CSF1R: variants seen among roughly 807,000 people sequenced by gnomAD.
The protein encoded by CSF1R is macrophage colony-stimulating factor 1 receptor.
Under a neutral mutation model 110.0 loss-of-function variants are expected in CSF1R, and 40 were observed. The ratio of observed to expected loss-of-function variants is 0.36; its 90% confidence interval spans 0.28 to 0.47. The LOEUF is 0.47. Ranked by LOEUF, CSF1R falls within the 20% of genes least tolerant of loss-of-function variation. The pLI, the probability that CSF1R is intolerant of heterozygous loss-of-function variation, is 0.99. For synonymous variants in CSF1R, 523 were observed against 503.4 expected (o/e 1.04, Z -0.52); for missense variants, 1,052 against 1,253.0 (o/e 0.84, Z 2.42).
Position 150,060,850 on chromosome 5 carries a change from C to T in CSF1R, c.1969+12G>A, listed in dbSNP as rs963558996. ...CCCAAGACCTTGGCCCCAGGAACCC[C>T]AAGGCCCTTACCTCCATGGGTACAG... On this transcript the variant is annotated intron_variant, in intron 13 of 20. Transcript: ENST00000675795. 4 of 1,587,804 alleles carry T rather than the reference C, an allele frequency of 2.5e-6. No homozygotes were observed. The highest frequency in any genetic ancestry group is 2.6e-6 in the Non-Finnish European group (3 of 1,163,096).
chr5:150,086,610 A>G, upstream of CSF1R: 1 of 547,782 alleles, frequency 1.8e-6, no homozygotes, highest in Non-Finnish European at 3.2e-6. Context: ...CCTTTTAGCT[A>G]GGCAAGGCAA....
chr5:150,053,944 A>G lies in CSF1R; in HGVS notation c.*125T>C, dbSNP rs1757049043. On this transcript the variant is annotated 3_prime_UTR_variant, in exon 21 of 21. Transcript: ENST00000675795. Reference sequence around the variant, plus strand: ...AATCCCTCACCTTCCCAAGTTTCAGAGCTGGGCCGAGCTGTTGAGTGAAAT... The same window carrying G: ...AATCCCTCACCTTCCCAAGTTTCAGGGCTGGGCCGAGCTGTTGAGTGAAAT... 2.0e-6 allele frequency: 2 copies of G among 976,020 alleles called. No individual in the cohort carries two copies. The highest frequency in any genetic ancestry group is 3.1e-6 in the Non-Finnish European group (2 of 646,838). The allele number at this position is 976,020 out of a possible 1,614,324, so 60.5% of individuals were successfully genotyped here. A position where few individuals can be genotyped will look rare whatever the true frequency, so the allele number is the denominator to read the frequency against.
chr5:150,055,085 C>A, intron 19 of CSF1R, 152 bp downstream of exon 19: 2 of 594,872 alleles, frequency 3.4e-6, no homozygotes, highest in South Asian at 1.9e-5. Flanking sequence ...ATAGCTTGAA[C>A]TCAAAAGGGG....
rs1232750072 is a variant in CSF1R, at chr5:150,055,349, A to G, written c.2555-13T>C. On this transcript the variant is annotated splice_polypyrimidine_tract_variant and intron_variant, in intron 18 of 20. Coordinates refer to ENST00000675795, the MANE Select transcript of CSF1R (RefSeq NM_001288705.3). ...TAGGGATTCAGCCCTGCAAAGGCCAAGATCAGGTAAGAGGCCATGCCCATT... is the reference window on the plus strand; with the variant it reads ...TAGGGATTCAGCCCTGCAAAGGCCAGGATCAGGTAAGAGGCCATGCCCATT... The G allele has an allele frequency of 6.2e-7, 1 of 1,609,296 alleles. No homozygotes were observed. Among genetic ancestry groups the G allele is most frequent in the Non-Finnish European group, 8.5e-7 (1 of 1,175,606 alleles).
At chr5:150,067,332 T>A (rs960075646) in intron 10 of CSF1R, among the ~76,000 whole-genome samples, 1 of 152,186 alleles carries the variant, frequency 6.6e-6, no homozygotes, top group African/African-American at 2.4e-5. Flanking sequence ...TGGGACATGC[T>A]TTGGAGTGAG....
In CSF1R at chr5:150,094,181, T is replaced by G. The variant is rs1187747268; in HGVS notation, c.-180-7574A>C. 4 of 604,022 alleles carry G rather than the reference T, an allele frequency of 6.6e-6. No homozygotes were observed. The East Asian group carries it at 1.1e-4, about 17-fold the overall frequency. The allele number at this position is 604,022 out of a possible 1,614,324, so 37.4% of individuals were successfully genotyped here. A position where few individuals can be genotyped will look rare whatever the true frequency, so the allele number is the denominator to read the frequency against. ...AATAGACTTCAGAACAAGAAATATT[T>G]CCAGGCATAATGAGGGACATTACAT... On this transcript the variant is annotated intron_variant, in intron 1 of 21. Coordinates refer to the CSF1R transcript ENST00000286301.
chr5:150,083,289 G>T (rs1332194275), intron 1 of CSF1R, among the ~76,000 whole-genome samples: 2 of 143,396 alleles, frequency 1.4e-5, no homozygotes, highest in Non-Finnish European at 3.0e-5. Flanking sequence ...GCTCCCACTT[G>T]CCTGGAAGCC....
intron 13 of CSF1R, 44 bp downstream of exon 13, chr5:150,060,818 C>T (rs1217888603): frequency 4.5e-6 from 6 of 1,333,868 alleles, no homozygotes; most frequent in Non-Finnish European, 6.3e-6. Flanking sequence ...TGAGATTCCC[C>T]AGAGGCCCCA....
chr5:150,102,422 G>A (rs898609273), intron 1 of CSF1R, among the ~76,000 whole-genome samples: 3 of 152,100 alleles, frequency 2.0e-5, no homozygotes, highest in Non-Finnish European at 4.4e-5. Context: ...TTGGCTATTG[G>A]TATTTCTTCT....
intron 1 of CSF1R, among the ~76,000 whole-genome samples, chr5:150,095,329 A>T (rs1482217221): frequency 6.6e-6 from 1 of 152,184 alleles, no homozygotes; most frequent in East Asian, 1.9e-4. Context: ...CAGAATACAC[A>T]TTCATCTCAA....
intron 10 of CSF1R, among the ~76,000 whole-genome samples, chr5:150,066,733 G>C (rs1757792542): frequency 6.6e-6 from 1 of 152,076 alleles, no homozygotes; most frequent in Non-Finnish European, 1.5e-5. Flanking sequence ...AAGCCCCAAG[G>C]GGGTGTGGGG....
chr5:150,094,556 A>G, intron 1 of CSF1R: 2 of 1,595,868 alleles, frequency 1.3e-6, no homozygotes, highest in African/African-American at 1.3e-5. Context: ...ATGTACCTGC[A>G]GAACCCAAAT....
At chr5:150,058,214 A>G (rs781002226) in intron 14 of CSF1R, 3 of 456,136 alleles carry the variant, frequency 6.6e-6, no homozygotes, top group South Asian at 1.5e-5. Flanking sequence ...ATTTTGAATC[A>G]GCAGGCCTGG....
At chr5:150,058,187 G>C (rs140950869) in intron 14 of CSF1R, 2 of 455,642 alleles carry the variant, frequency 4.4e-6, no homozygotes, top group African/African-American at 4.0e-5. Context: ...ATCACCCCGG[G>C]AATCTCTGCA....
Position 150,059,829 on chromosome 5 carries a change from T to C in CSF1R, c.2003A>G (p.Tyr668Cys). 1 of 1,614,120 alleles carries C rather than the reference T, an allele frequency of 6.2e-7. No homozygotes were observed. The highest frequency in any genetic ancestry group is 8.5e-7 in the Non-Finnish European group (1 of 1,180,020). The change falls in exon 14 of 21, where the codon TAT becomes TGT. Residue 668 changes from tyrosine (Y) to cysteine (C), a missense_variant. Around this residue, in one of 5 missense-constraint regions of CSF1R, gnomAD observed 76 missense variants for 133.6 expected, o/e 0.57. Transcript: ENST00000675795. The part of the protein sequence containing the change: ...PVLVITEYCC[Y>C]GDLLNFLRRK... Reference sequence around the variant, plus strand: ...TCGCAGAAAGTTGAGCAGGTCGCCATAGCAACAGTACTCCGTGATGACCAG... The same window carrying C: ...TCGCAGAAAGTTGAGCAGGTCGCCACAGCAACAGTACTCCGTGATGACCAG...
At chr5:150,098,585 A>T (rs909948352) in intron 1 of CSF1R, 2 of 152,244 alleles carry the variant, frequency 1.3e-5, no homozygotes, top group Non-Finnish European at 2.9e-5. Context: ...GACAAAATAC[A>T]GACCAAGAGA....
intron 1 of CSF1R, among the ~76,000 whole-genome samples, chr5:150,085,928 T>G (rs2237084): frequency 0.24 from 36,437 of 151,680 alleles, 4,479 homozygotes; most frequent in Middle Eastern, 0.32. Context: ...CTCCCAGGAG[T>G]GTGTTGGATA....
At chr5:150,100,531 T>C (rs1759374998) in intron 1 of CSF1R, among the ~76,000 whole-genome samples, 1 of 151,804 alleles carries the variant, frequency 6.6e-6, no homozygotes, top group Non-Finnish European at 1.5e-5. Context: ...AAAAGTACTG[T>C]TCATTTCCGG....
intron 10 of CSF1R, among the ~76,000 whole-genome samples, chr5:150,065,905 G>A (rs908465420): frequency 6.6e-6 from 1 of 152,226 alleles, no homozygotes; most frequent in African/African-American, 2.4e-5. Context: ...AGGGCCGCAG[G>A]GGGCCCTAGG....
Sources: gnomAD v4.1 joint callset for allele counts (sites outside exome capture counted in the v4.1 genomes callset) on GRCh38, gnomAD v4.1.1 for gene constraint, gnomAD v4.1.1 regional missense constraint, MANE v1.5 for transcripts, NCBI Gene and HGNC (gene_info 2026-07-23, HGNC 2026-07-21) for gene names.